Variants in NAGPA observed in about 807,000 individuals in gnomAD.
NAGPA encodes the protein N-acetylglucosamine-1-phosphodiester alpha-N-acetylglucosaminidase, also known as alpha-N-acetylglucosaminyl phosphodiesterase.
A neutral mutation model predicts 48.5 loss-of-function variants in NAGPA; 56 were observed. The observed-to-expected ratio is 1.15, with a 90% confidence interval of 0.93 to 1.44. The LOEUF is 1.44. Among genes scored for constraint, NAGPA ranks in the 40% most tolerant of loss-of-function variants. The pLI is 0.00. For synonymous variants in NAGPA, 399 were observed against 315.5 expected, an observed-to-expected ratio of 1.26 and a Z score of -2.81; for missense variants, 888 against 735.0, an observed-to-expected ratio of 1.21 and a Z score of -2.41.
At chr16:5,029,139 C>T (rs930271518) in intron 4 of NAGPA, 131 bp from the exon 5 acceptor site, 4 of 1,468,484 alleles carry the variant, frequency 2.7e-6, no homozygotes, top group Non-Finnish European at 3.7e-6. Flanking sequence ...CGCCCCCAAG[C>T]ATGTCTCATC....
rs1209414919 is a variant in NAGPA at position 5,030,734 on chromosome 16, C to A, written c.683-241G>T. 6 of 570,408 alleles carry A rather than the reference C, an allele frequency of 1.1e-5. No homozygotes were observed. In the Admixed American group the frequency reaches 1.5e-4, roughly 14 times the overall value. The allele number at this position is 570,408 out of a possible 1,614,324, so 35.3% of individuals were successfully genotyped here. On this transcript the variant is annotated intron_variant, in intron 3 of 9. Transcript: ENST00000312251. ...GGTGAAGACCCTCTAATGGTTTCCC[C>A]TGTTCTTAGAACAAAATCCAAAGAG...
At chr16:5,026,526 C>G (rs536821116) in intron 9 of NAGPA, among the ~76,000 whole-genome samples, 14 of 151,660 alleles carry the variant, frequency 9.2e-5, no homozygotes, top group African/African-American at 3.1e-4. Context: ...AGAGTGAGAC[C>G]CCGTCTCAAA....
rs756278921 is a variant in NAGPA at position 5,030,468 on chromosome 16, C to T, written c.708G>A (p.Val236=). 6 of 1,554,130 alleles carry T rather than the reference C, an allele frequency of 3.9e-6. No homozygotes were observed. Among genetic ancestry groups the T allele is most frequent in the Non-Finnish European group, 5.2e-6 (6 of 1,148,194 alleles). The change falls in exon 4 of 10, where the codon GTG becomes GTA. Residue 236 remains valine, a synonymous_variant. Transcript: ENST00000312251. ...GGCCAATGGCCGTCCTGGCTGATAT[C>T]ACATTCACAAATTTGCTAAAGGAAC... is the stretch of plus-strand genomic sequence containing the variant. The part of the protein sequence containing the change: ...ETGSFSKFVN[V]ISARTAIGHD...
At chr16:5,029,104 T>G (rs1956058008) in intron 4 of NAGPA, 96 bp from the exon 5 acceptor site, 2 of 1,586,150 alleles carry the variant, frequency 1.3e-6, no homozygotes, top group Non-Finnish European at 1.7e-6. Context: ...ACGCCCACAG[T>G]GCAGGCACAT....
intron 9 of NAGPA, 104 bp downstream of exon 9, chr16:5,027,031 G>A (rs1956013192): frequency 2.1e-6 from 3 of 1,395,814 alleles, no homozygotes; most frequent in Non-Finnish European, 2.0e-6. Context: ...CTAAGGCAGG[G>A]AGCTGGCAGG....
chr16:5,031,798 C>G lies in NAGPA; in HGVS notation c.629G>C (p.Ser210Thr). The G allele has an allele frequency of 1.9e-6, 3 of 1,614,178 alleles. No homozygotes were observed. Among genetic ancestry groups the G allele is most frequent in the South Asian group, 2.2e-5 (2 of 91,074 alleles). ...SGVVWLIRNG[S>T]IYINESQATE... is the part of the protein sequence containing the mutation. ...GGCTTGGCTCTCGTTGATGTAGATGCTTCCATTACGAATCAGCCACACGAC... is the reference window on the plus strand; with the variant it reads ...GGCTTGGCTCTCGTTGATGTAGATGGTTCCATTACGAATCAGCCACACGAC... Residue 210 changes from serine to threonine, a missense_variant, in exon 3 of 10, where the codon AGC becomes ACC. Coordinates refer to ENST00000312251, the MANE Select transcript of NAGPA (RefSeq NM_016256.4).
chr16:5,031,348 T>C (rs960936022), intron 3 of NAGPA: 11 of 295,486 alleles, frequency 3.7e-5, no homozygotes, highest in East Asian at 3.5e-4. Context: ...CGTTAAAACA[T>C]AGACTCTTGG....
rs1373121963 is a variant in NAGPA at position 5,024,866 on chromosome 16, G to A, written c.*612C>T. ...TGATTCAGAATCCACACACCACCTG[G>A]TGGCTCCTTTTATTATATCAATTTA... On this transcript the variant is annotated 3_prime_UTR_variant, in exon 10 of 10. Transcript: ENST00000312251. 3 of 156,508 alleles carry A rather than the reference G, an allele frequency of 1.9e-5. No individual in the cohort carries two copies. Among genetic ancestry groups the A allele is most frequent in the African/African-American group, 7.2e-5 (3 of 41,458 alleles). 9.7% of individuals were successfully genotyped at this position (156,508 alleles called of 1,614,324 possible). A position where few individuals can be genotyped will look rare whatever the true frequency, so the allele number is the denominator to read the frequency against.
intron 4 of NAGPA, chr16:5,030,060 C>T (rs1445608587): frequency 3.8e-5 from 18 of 477,788 alleles, no homozygotes; most frequent in African/African-American, 1.4e-4. Context: ...GACTTGTCTA[C>T]GGCATAGGTG....
At chr16:5,030,311 T>C in intron 4 of NAGPA, 74 bp downstream of exon 4, 3 of 1,343,560 alleles carry the variant, frequency 2.2e-6, no homozygotes, top group Non-Finnish European at 3.1e-6. Flanking sequence ...AGTCAGAGGG[T>C]GGCTGTCATT....
At position 5,025,513 on chromosome 16, in the gene NAGPA, G is replaced by A. The variant is rs200663126; in HGVS notation, c.1513C>T (p.Gln505Ter). ...NGEPLAAEKEQPGGAHNPFKD is the reference protein window; with the variant it reads ...NGEPLAAEKE ...AAGGGGTTGTGGGCGCCCCCTGGCT[G>A]CTCCTTCTCTGCGGCCAGAGGCTCC... Residue 505 changes from glutamine to a stop codon, truncating the protein, a stop_gained, in exon 10 of 10, where the codon CAG becomes TAG. Coordinates refer to ENST00000312251, the MANE Select transcript of NAGPA (RefSeq NM_016256.4). LOFTEE classifies it high-confidence loss of function. 6.2e-7 allele frequency: 1 copy of A among 1,612,710 alleles called. No individual in the cohort carries two copies. The highest frequency in any genetic ancestry group is 8.5e-7 in the Non-Finnish European group (1 of 1,179,984).
chr16:5,027,491 C>T (rs1011444319), intron 7 of NAGPA, 112 bp from the exon 8 acceptor site: 95 of 1,190,010 alleles, frequency 8.0e-5, no homozygotes, highest in East Asian at 5.2e-4. Flanking sequence ...TGTACAGAGC[C>T]GGGCTAAAGG....
chr16:5,025,802 G>T, intron 9 of NAGPA, 117 bp from the exon 10 acceptor site: 1 of 1,036,214 alleles, frequency 9.7e-7, no homozygotes, highest in Non-Finnish European at 1.4e-6. Flanking sequence ...GTGCCTCCAG[G>T]GACCACACAG....
intron 3 of NAGPA, chr16:5,030,725 T>C: frequency 1.7e-6 from 1 of 585,342 alleles, no homozygotes; most frequent in Non-Finnish European, 3.1e-6. Context: ...GACCCTCTAA[T>C]GGTTTCCCCT....
rs774894492 is a variant in NAGPA at position 5,033,687 on chromosome 16, G to T, written c.128C>A (p.Ala43Glu). The change falls in exon 2 of 10, where the codon GCG (alanine) becomes GAG (glutamate). Residue 43 changes from alanine to glutamate, a missense_variant. By Grantham distance (107) the Ala-to-Glu change is moderately radical. Transcript: ENST00000312251. This position sits in a 1 kb window ranked among gnomAD's most constrained non-coding sequence, Gnocchi z 4.2. ...DDDLLLPYPR[A>E]RARLPRDCTR... Reference sequence around the variant, plus strand: ...GCAGTCCCGGGGGAGGCGCGCGCGCGCGCGTGGATAGGGCAGTAGCAAGTC... The same window carrying T: ...GCAGTCCCGGGGGAGGCGCGCGCGCTCGCGTGGATAGGGCAGTAGCAAGTC... The T allele has an allele frequency of 6.3e-7, 1 of 1,595,550 alleles. No homozygotes were observed. The highest frequency in any genetic ancestry group is 1.3e-5 in the African/African-American group (1 of 74,734).
At chr16:5,028,379 G>A in intron 5 of NAGPA, 194 bp from the exon 6 acceptor site, 1 of 1,091,214 alleles carries the variant, frequency 9.2e-7, no homozygotes, top group Non-Finnish European at 1.4e-6. Flanking sequence ...TAACCGTAAG[G>A]TGTGCACCAT....
intron 2 of NAGPA, among the ~76,000 whole-genome samples, chr16:5,032,606 G>A (rs1956122111): frequency 6.6e-6 from 1 of 151,962 alleles, no homozygotes; most frequent in Non-Finnish European, 1.5e-5. Context: ...TTGAACCCGG[G>A]AGGCAGAGGT....
chr16:5,031,948 T>G, intron 2 of NAGPA, 64 bp from the exon 3 acceptor site: 1 of 1,609,856 alleles, frequency 6.2e-7, no homozygotes, highest in Non-Finnish European at 8.5e-7. Context: ...GTCAGGCTCT[T>G]TCTCCCTAGC....
chr16:5,031,930 T>G, intron 2 of NAGPA, 46 bp from the exon 3 acceptor site: 1 of 1,613,190 alleles, frequency 6.2e-7, no homozygotes, highest in East Asian at 2.2e-5. Context: ...CAGGGGCAAC[T>G]GCAGATAGTC....
Sources: allele counts gnomAD v4.1 joint callset (sites outside exome capture counted in the v4.1 genomes callset), GRCh38; gene constraint gnomAD v4.1.1; non-coding constraint Gnocchi (gnomAD v3.1); transcripts MANE v1.5; gene names NCBI Gene and HGNC (gene_info 2026-07-23, HGNC 2026-07-21).